The following CEP128 variants were observed in gnomAD, a reference collection of about 807,000 sequenced individuals.
CEP128 encodes the protein centrosomal protein 128kDa.
CEP128 carries 132 observed loss-of-function variants against 156.7 expected under a neutral mutation model. That is an observed-to-expected ratio of 0.84 (90% CI 0.73 to 0.97). The LOEUF is 0.97. Ranked by LOEUF, CEP128 falls within the 50% of genes least tolerant of loss-of-function variation. The pLI is 0.00. For missense variants in CEP128, 1,252 were observed against 1,281.9 expected (o/e 0.98, Z 0.36); for synonymous variants, 469 against 448.9 (o/e 1.04, Z -0.57).
intron 13 of CEP128, among the ~76,000 whole-genome samples, chr14:80,828,570 C>T (rs1768332646): frequency 1.3e-5 from 2 of 152,100 alleles, no homozygotes; most frequent in Non-Finnish European, 2.9e-5. Flanking sequence ...TCCACTTTTA[C>T]ATGGGGGAAA....
intron 20 of CEP128, among the ~76,000 whole-genome samples, chr14:80,567,716 C>T (rs922489957): frequency 6.6e-6 from 1 of 152,066 alleles, no homozygotes; most frequent in Non-Finnish European, 1.5e-5. Flanking sequence ...TGAAACTGCT[C>T]GTAACAGGTA....
At chr14:80,954,008 G>T (rs1886531100) in intron 2 of CEP128, among the ~76,000 whole-genome samples, 1 of 152,178 alleles carries the variant, frequency 6.6e-6, no homozygotes, top group Non-Finnish European at 1.5e-5. Flanking sequence ...GGTGGCTCAA[G>T]CCTGTAATCC....
intron 19 of CEP128, among the ~76,000 whole-genome samples, chr14:80,698,644 C>T (rs1487750343): frequency 6.6e-6 from 1 of 152,078 alleles, no homozygotes; most frequent in Non-Finnish European, 1.5e-5. Context: ...TTAAAGGAGT[C>T]ATTTGAATGC....
At chr14:80,487,362 C>G (rs964536791), downstream of CEP128, among the ~76,000 whole-genome samples, 1 of 152,082 alleles carries the variant, frequency 6.6e-6, no homozygotes, top group African/African-American at 2.4e-5. Flanking sequence ...ACTGGAGCAC[C>G]CAGATTCATA....
upstream of CEP128, among the ~76,000 whole-genome samples, chr14:80,944,025 C>T (rs1347693389): frequency 6.6e-6 from 1 of 150,892 alleles, no homozygotes. Flanking sequence ...GAAGTCACAT[C>T]ACTGAATCTT....
At chr14:80,881,965 G>T (rs1278182782) in intron 8 of CEP128, among the ~76,000 whole-genome samples, 1 of 152,116 alleles carries the variant, frequency 6.6e-6, no homozygotes, top group Non-Finnish European at 1.5e-5. Flanking sequence ...AGACAAGAAT[G>T]CCCACTTTCA....
At chr14:80,686,729 A>AAAAT (rs1896537181) in intron 19 of CEP128, among the ~76,000 whole-genome samples, 1 of 152,188 alleles carries the variant, frequency 6.6e-6, no homozygotes, top group South Asian at 2.1e-4. Context: ...AAAACAAAGG[A>AAAAT]AAATCTACCA....
chr14:80,636,677 C>T (rs1894192985), intron 19 of CEP128, among the ~76,000 whole-genome samples: 1 of 152,184 alleles, frequency 6.6e-6, no homozygotes, highest in Non-Finnish European at 1.5e-5. Context: ...ATTTCCATTA[C>T]TATTGTCCCC....
chr14:80,847,314 A>G (rs911485464), intron 9 of CEP128, among the ~76,000 whole-genome samples: 3 of 152,162 alleles, frequency 2.0e-5, no homozygotes, highest in African/African-American at 7.2e-5. Context: ...ACTAAATCCT[A>G]TAATAGTCAA....
At chr14:80,495,339 A>G (rs1887456875), downstream of CEP128, among the ~76,000 whole-genome samples, 1 of 152,202 alleles carries the variant, frequency 6.6e-6, no homozygotes, top group Admixed American at 6.5e-5. Context: ...GCAAGATAGG[A>G]AAAATCCTCA....
intron 6 of CEP128, among the ~76,000 whole-genome samples, chr14:80,902,953 A>G (rs1781937602): frequency 6.6e-6 from 1 of 152,184 alleles, no homozygotes; most frequent in Non-Finnish European, 1.5e-5. Context: ...ACTCAAAACA[A>G]AGATACTTTG....
At chr14:80,629,150 T>C (rs1893858059) in intron 19 of CEP128, among the ~76,000 whole-genome samples, 1 of 48,504 alleles carries the variant, frequency 2.1e-5, no homozygotes, top group African/African-American at 9.6e-5. Flanking sequence ...CCAAATGACT[T>C]TGCCATTAGC....
At chr14:80,905,029 A>G (rs1883805003) in intron 5 of CEP128, 98 bp from the exon 6 acceptor site, 4 of 742,770 alleles carry the variant, frequency 5.4e-6, no homozygotes, top group Non-Finnish European at 7.3e-6. Flanking sequence ...ATGGATATAC[A>G]TATATTCATG....
chr14:80,505,700 T>C (rs1887938509), intron 23 of CEP128, among the ~76,000 whole-genome samples: 1 of 152,238 alleles, frequency 6.6e-6, no homozygotes, highest in African/African-American at 2.4e-5. Context: ...CTTTCAGCTA[T>C]AACTTTAAAT....
In CEP128 at chr14:80,680,541, C is replaced by A. The variant is rs553833790; in HGVS notation, c.2806+62534G>T. Among the ~76,000 whole-genome samples, 3 of 152,270 alleles carry A rather than the reference C, an allele frequency of 2.0e-5. No individual in the cohort carries two copies. The South Asian group carries it at 6.2e-4, about 32-fold the overall frequency. ...AGACCCTCTCTGCTCCACACGCAGA[C>A]AAATATCCAGGCATTTCGAGCACCC... On this transcript the variant is annotated intron_variant, in intron 19 of 24. Coordinates refer to ENST00000555265, the MANE Select transcript of CEP128 (RefSeq NM_152446.5).
intron 9 of CEP128, among the ~76,000 whole-genome samples, chr14:80,841,369 CAA>C (rs1886341439): frequency 6.6e-6 from 1 of 151,988 alleles, no homozygotes; most frequent in African/African-American, 2.4e-5. Flanking sequence ...AATTTTTAGG[CAA>C]ACAGCAAAAT....
downstream of CEP128, among the ~76,000 whole-genome samples, chr14:80,486,431 T>A (rs938793828): frequency 2.0e-5 from 3 of 152,058 alleles, no homozygotes; most frequent in African/African-American, 7.2e-5. Flanking sequence ...TGGAACCAAG[T>A]TGGAAAACAC....
chr14:80,797,056 A>G (rs757332601), intron 13 of CEP128, among the ~76,000 whole-genome samples: 2 of 152,224 alleles, frequency 1.3e-5, no homozygotes, highest in Non-Finnish European at 2.9e-5. Context: ...AACAAACAGA[A>G]ATAAGGTTCT....
chr14:80,573,058 G>A (rs1047364105), intron 20 of CEP128, among the ~76,000 whole-genome samples: 4 of 151,396 alleles, frequency 2.6e-5, no homozygotes, highest in African/African-American at 4.9e-5. Flanking sequence ...AAGTAGCTGG[G>A]ATTACAGGTG....
Sources: gnomAD v4.1 joint callset for allele counts (sites outside exome capture counted in the v4.1 genomes callset) on GRCh38, gnomAD v4.1.1 for gene constraint, MANE v1.5 for transcripts, NCBI Gene and HGNC (gene_info 2026-07-23, HGNC 2026-07-21) for gene names.